Variants in PNISR observed in about 807,000 individuals in gnomAD.
PNISR encodes arginine/serine-rich protein PNISR.
In PNISR, 20 loss-of-function variants were observed where a neutral mutation model predicts 93.4. That is an observed-to-expected ratio of 0.21 (90% CI 0.15 to 0.31). The LOEUF (loss-of-function observed/expected upper bound fraction) is 0.31. Ranked by LOEUF, PNISR falls within the 10% of genes least tolerant of loss-of-function variation. PNISR has a pLI of 1.00. For synonymous variants in PNISR, 305 were observed against 306.5 expected (o/e 0.99, Z 0.05); for missense variants, 893 against 985.4 (o/e 0.91, Z 1.25).
chr6:99,401,782 C>A, intron 11 of PNISR, 152 bp from the exon 12 acceptor site: 2 of 498,164 alleles, frequency 4.0e-6, no homozygotes, highest in Non-Finnish European at 6.5e-6. Context: ...TTTTAGTAAC[C>A]ACATTAAAAA....
In PNISR at chr6:99,403,839, G is replaced by A. The variant is rs1342511883; in HGVS notation, c.1146C>T (p.Leu382=). Residue 382 remains leucine, a synonymous_variant, in exon 10 of 12, where the codon CTC becomes CTT. Transcript: ENST00000369239. The part of the protein sequence containing the change: ...QLAQSSALAS[L]TGLGGLGGYG... ...ATGGAAAACACTTACCGAGTCCAGT[G>A]AGGGAAGCCAGTGCACTGGACTGTG... 2 of 1,613,070 alleles carry A rather than the reference G, an allele frequency of 1.2e-6. No homozygotes were observed. The highest frequency in any genetic ancestry group is 1.7e-6 in the Non-Finnish European group (2 of 1,179,214).
intron 7 of PNISR, among the ~76,000 whole-genome samples, chr6:99,407,598 A>G (rs1776326327): frequency 6.6e-6 from 1 of 152,208 alleles, no homozygotes; most frequent in Admixed American, 6.5e-5. Flanking sequence ...TGTGGCTATC[A>G]TACCTGCTGA....
intron 1 of PNISR, among the ~76,000 whole-genome samples, chr6:99,420,029 C>T (rs952328972): frequency 5.3e-5 from 8 of 152,146 alleles, no homozygotes; most frequent in South Asian, 2.1e-4. Context: ...GGACTACAGG[C>T]GCCTGCTACC....
Position 99,400,451 on chromosome 6 carries a change from A to T in PNISR, c.*89T>A. ...ATTTATCAAGTACCAAACTGAGTTT[A>T]TTAAAGAGAGAGAGAAAGGACACTT... On this transcript the variant is annotated 3_prime_UTR_variant, in exon 12 of 12. Transcript: ENST00000369239. 1 of 1,492,080 alleles carries T rather than the reference A, an allele frequency of 6.7e-7. No individual in the cohort carries two copies. Among genetic ancestry groups the T allele is most frequent in the Non-Finnish European group, 8.9e-7 (1 of 1,123,944 alleles). 92.4% of individuals were successfully genotyped at this position (1,492,080 alleles called of 1,614,324 possible).
At chr6:99,414,488 C>A in intron 3 of PNISR, 84 bp downstream of exon 3, 2 of 637,898 alleles carry the variant, frequency 3.1e-6, no homozygotes, top group South Asian at 2.2e-5. Flanking sequence ...AATCTCAATT[C>A]CATATCCCTT....
intron 8 of PNISR, among the ~76,000 whole-genome samples, chr6:99,405,551 A>G (rs1209545869): frequency 6.6e-6 from 1 of 152,148 alleles, no homozygotes; most frequent in Non-Finnish European, 1.5e-5. Flanking sequence ...GACACACTGA[A>G]TTCAAAACAC....
At chr6:99,412,855 A>G (rs4339472) in intron 3 of PNISR, 116 bp from the exon 4 acceptor site, 190,470 of 619,720 alleles carry the variant, frequency 0.31, 31,299 homozygotes, top group Middle Eastern at 0.39. Flanking sequence ...TCAGACAGAG[A>G]GGGTATGAGG....
In PNISR at chr6:99,412,628, A is replaced by G. The variant is rs762736474; in HGVS notation, c.200T>C (p.Met67Thr). ...PPGMMPNGQDMSTMESGPNNH... is the reference protein window; with the variant it reads ...PPGMMPNGQDTSTMESGPNNH... Reference sequence around the variant, plus strand: ...GTTTGGACCAGATTCCATTGTAGACATATCTTGTCCATTTGGCATCATTCC... The same window carrying G: ...GTTTGGACCAGATTCCATTGTAGACGTATCTTGTCCATTTGGCATCATTCC... Residue 67 changes from methionine (M) to threonine (T), a missense_variant, in exon 4 of 12, where the codon ATG (methionine) becomes ACG (threonine). Coordinates refer to ENST00000369239, the MANE Select transcript of PNISR (RefSeq NM_032870.4). The G allele has an allele frequency of 3.1e-6, 5 of 1,612,448 alleles. No homozygotes were observed. The highest frequency in any genetic ancestry group is 2.2e-5 in the East Asian group (1 of 44,858).
chr6:99,411,467 G>A (rs989361128), intron 4 of PNISR, among the ~76,000 whole-genome samples: 22 of 152,112 alleles, frequency 1.4e-4, no homozygotes, highest in Non-Finnish European at 2.2e-4. Context: ...AGGGATGCCC[G>A]CGGGAGTCAT....
intron 5 of PNISR, 63 bp from the exon 6 acceptor site, chr6:99,409,407 G>A (rs547177157): frequency 3.4e-6 from 5 of 1,458,074 alleles, no homozygotes; most frequent in African/African-American, 1.4e-5. Context: ...TGGGACACAC[G>A]TGTGTTATGA....
chr6:99,413,531 GC>G (rs796634571), intron 3 of PNISR, among the ~76,000 whole-genome samples: 17 of 151,826 alleles, frequency 1.1e-4, no homozygotes, highest in African/African-American at 4.1e-4. Context: ...TCATCATGTT[GC>G]CCCGGCTGGC....
At chr6:99,417,536 T>A (rs1368182733) in intron 1 of PNISR, among the ~76,000 whole-genome samples, 1 of 152,146 alleles carries the variant, frequency 6.6e-6, no homozygotes, top group Non-Finnish European at 1.5e-5. Flanking sequence ...AGGATTATTG[T>A]GAGGATTAAA....
chr6:99,421,969 A>G (rs1778623147), intron 1 of PNISR, among the ~76,000 whole-genome samples: 2 of 152,084 alleles, frequency 1.3e-5, no homozygotes, highest in South Asian at 4.2e-4. Context: ...AGGTTCAAGC[A>G]ATTCTCATGC....
chr6:99,417,967 T>C (rs1305631807), intron 1 of PNISR, among the ~76,000 whole-genome samples: 3 of 44,878 alleles, frequency 6.7e-5, no homozygotes. Flanking sequence ...AAACACCATC[T>C]CAAAAAAAAA....
intron 7 of PNISR, among the ~76,000 whole-genome samples, chr6:99,406,763 T>C (rs1776201951): frequency 6.6e-6 from 1 of 152,150 alleles, no homozygotes; most frequent in Non-Finnish European, 1.5e-5. Context: ...CCTGTCTTTG[T>C]ATGGTTTTAG....
rs2128503948 is a variant in PNISR, at chr6:99,425,254, G to A, written c.-151C>T. On this transcript the variant is annotated 5_prime_UTR_variant, in exon 1 of 12. Transcript: ENST00000369239. The stretch of plus-strand genomic sequence containing the variant: ...GAACACCCTTGTCGCCGCCGTTCCG[G>A]TAACACCTCTCCAACGCTTTCGATG... The A allele has an allele frequency of 8.1e-7, 1 of 1,232,108 alleles. No individual in the cohort carries two copies. The highest frequency in any genetic ancestry group is 1.0e-6 in the Non-Finnish European group (1 of 987,932). 76.3% of individuals were successfully genotyped at this position (1,232,108 alleles called of 1,614,324 possible). A position where few individuals can be genotyped will look rare whatever the true frequency, so the allele number is the denominator to read the frequency against.
intron 2 of PNISR, chr6:99,415,704 A>G (rs1242849323): frequency 6.6e-6 from 1 of 152,186 alleles, no homozygotes; most frequent in African/African-American, 2.4e-5. Flanking sequence ...CATTTAATAA[A>G]TGTTTACTAA....
At chr6:99,408,332 G>C in intron 6 of PNISR, 61 bp from the exon 7 acceptor site, 2 of 1,201,080 alleles carry the variant, frequency 1.7e-6, no homozygotes, top group East Asian at 2.3e-5. Flanking sequence ...ACAAACTTGT[G>C]AGTAAATTTA....
At chr6:99,418,447 TAAAAA>T (rs35015605) in intron 1 of PNISR, among the ~76,000 whole-genome samples, 1 of 144,260 alleles carries the variant, frequency 6.9e-6, no homozygotes, top group Admixed American at 6.8e-5. Flanking sequence ...AAGCTTTTAT[TAAAAA>T]AAAAAAAAAA....
Sources: allele counts gnomAD v4.1 joint callset (sites outside exome capture counted in the v4.1 genomes callset), GRCh38; gene constraint gnomAD v4.1.1; transcripts MANE v1.5; gene names NCBI Gene and HGNC (gene_info 2026-07-23, HGNC 2026-07-21).